RGP1: variants seen among roughly 807,000 people sequenced by gnomAD.
RGP1 encodes the protein RAB6A-GEF complex partner protein 2.
Under a neutral mutation model 44.5 loss-of-function variants are expected in RGP1, and 28 were observed. That is an observed-to-expected ratio of 0.63 (90% CI 0.47 to 0.86). The LOEUF is 0.86. RGP1 is among the 40% of genes least tolerant of loss of function. The probability of loss-of-function intolerance (pLI) is 0.00; values close to 1 mark genes in which losing one functional copy is unlikely to be tolerated. For missense variants in RGP1, 417 were observed against 490.7 expected, an observed-to-expected ratio of 0.85 and a Z score of 1.42; for synonymous variants, 212 against 196.7, an observed-to-expected ratio of 1.08 and a Z score of -0.65.
the RGP1 span, among the ~76,000 whole-genome samples, chr9:35,778,833 T>G: frequency 6.6e-6 from 1 of 152,222 alleles, no homozygotes; most frequent in Non-Finnish European, 1.5e-5. Context: ...TATGTATATG[T>G]GCTTTTTATA....
At chr9:35,789,329 CTTTT>C in the RGP1 span, among the ~76,000 whole-genome samples, 3 of 137,670 alleles carry the variant, frequency 2.2e-5, no homozygotes, top group Non-Finnish European at 3.2e-5. Flanking sequence ...CTTCCACTTC[CTTTT>C]TTTTTTTTTT....
At chr9:35,781,624 C>T in the RGP1 span, among the ~76,000 whole-genome samples, 1 of 152,062 alleles carries the variant, frequency 6.6e-6, no homozygotes, top group Non-Finnish European at 1.5e-5. Flanking sequence ...TTGACACTGG[C>T]AATACCTTTT....
At position 35,753,447 on chromosome 9, in the gene RGP1, T is replaced by C; in HGVS notation, c.*573T>C. 2 of 817,440 alleles carry C rather than the reference T, an allele frequency of 2.4e-6. No individual in the cohort carries two copies. Among genetic ancestry groups the C allele is most frequent in the South Asian group, 3.7e-5 (2 of 54,424 alleles). The allele number at this position is 817,440 out of a possible 1,614,324, so 50.6% of individuals were successfully genotyped here. On this transcript the variant is annotated 3_prime_UTR_variant, in exon 9 of 9. Coordinates refer to ENST00000378078, the MANE Select transcript of RGP1 (RefSeq NM_001080496.3). The surrounding 1 kb of genome is among the most constrained non-coding windows in gnomAD (Gnocchi z 4.2). ...ACCATATGTGGGCCTTTTTGTTTTATAACAGGAGTATTTTCTCTCCAGGTC... is the reference window on the plus strand; with the variant it reads ...ACCATATGTGGGCCTTTTTGTTTTACAACAGGAGTATTTTCTCTCCAGGTC...
At chr9:35,770,492 GGAGA>G in the RGP1 span, among the ~76,000 whole-genome samples, 5,199 of 106,698 alleles carry the variant, frequency 0.049, 129 homozygotes, top group Non-Finnish European at 0.055. Context: ...GTATTACCAT[GGAGA>G]GAGAGAGAGA....
At chr9:35,772,873 T>A in the RGP1 span, among the ~76,000 whole-genome samples, 1 of 152,046 alleles carries the variant, frequency 6.6e-6, no homozygotes, top group African/African-American at 2.4e-5. Context: ...TGGGGTTGTA[T>A]AAATGAGCTA....
the RGP1 span, among the ~76,000 whole-genome samples, chr9:35,778,898 T>G: frequency 6.6e-6 from 1 of 152,224 alleles, no homozygotes; most frequent in Non-Finnish European, 1.5e-5. Flanking sequence ...CTATCTCCAG[T>G]CTATCTCTGT....
Position 35,755,980 on chromosome 9 carries a change from T to G in RGP1, c.*3106T>G, listed in dbSNP as rs921660374. 6.6e-6 allele frequency: 1 copy of G among 152,296 alleles called. No homozygotes were observed. The highest frequency in any genetic ancestry group is 2.4e-5 in the African/African-American group (1 of 41,446). The allele number at this position is 152,296 out of a possible 1,614,324, so 9.4% of individuals were successfully genotyped here. On this transcript the variant is annotated 3_prime_UTR_variant, in exon 9 of 9. Coordinates refer to ENST00000378078, the MANE Select transcript of RGP1 (RefSeq NM_001080496.3). ...CTCTACCCTAGGACAAGATGTCCTT[T>G]TCTCATCATCCTGCCAGGCTAACTT...
chr9:35,753,170 C>A lies in RGP1; in HGVS notation c.*296C>A, dbSNP rs766344453. On this transcript the variant is annotated 3_prime_UTR_variant, in exon 9 of 9. Transcript: ENST00000378078. This position sits in a 1 kb window ranked among gnomAD's most constrained non-coding sequence, Gnocchi z 4.2. ...TGAGCCCCATTCTGGGTCAGGCCCT[C>A]CCCCTTTGCAGGGCAGCCGAGGGTC... The A allele has an allele frequency of 3.7e-6, 6 of 1,614,154 alleles. No individual in the cohort carries two copies. Among genetic ancestry groups the A allele is most frequent in the Non-Finnish European group, 5.1e-6 (6 of 1,180,026 alleles).
rs1158523698 is a variant in RGP1 at position 35,754,547 on chromosome 9, G to A, written c.*1673G>A. The A allele has an allele frequency of 6.4e-6, 1 of 157,262 alleles. No individual in the cohort carries two copies. The highest frequency in any genetic ancestry group is 6.5e-5 in the Admixed American group (1 of 15,474). The allele number at this position is 157,262 out of a possible 1,614,324, so 9.7% of individuals were successfully genotyped here. ...CCAGATCTCTTCCCTGACCTGGAGA[G>A]AAGGAAGCATTCCACCTTCCCCCTT... On this transcript the variant is annotated 3_prime_UTR_variant, in exon 9 of 9. Transcript: ENST00000378078.
chr9:35,784,709 C>A, the RGP1 span, among the ~76,000 whole-genome samples: 1 of 152,118 alleles, frequency 6.6e-6, no homozygotes, highest in South Asian at 2.1e-4. Context: ...ATCTCGTGAT[C>A]CACCCGCCTC....
chr9:35,753,839 G>C lies in RGP1; in HGVS notation c.*965G>C, dbSNP rs987300457. On this transcript the variant is annotated 3_prime_UTR_variant, in exon 9 of 9. Transcript: ENST00000378078. The surrounding 1 kb of genome is among the most constrained non-coding windows in gnomAD (Gnocchi z 4.2). Reference sequence around the variant, plus strand: ...GAGGCAGAGGCTCTTCTGGTCTGGGGTGGAGACAGTAAGTACGCACTATCC... The same window carrying C: ...GAGGCAGAGGCTCTTCTGGTCTGGGCTGGAGACAGTAAGTACGCACTATCC... 2 of 1,534,006 alleles carry C rather than the reference G, an allele frequency of 1.3e-6. No homozygotes were observed. Among genetic ancestry groups the C allele is most frequent in the Non-Finnish European group, 1.8e-6 (2 of 1,112,450 alleles).
At chr9:35,771,971 G>A in the RGP1 span, among the ~76,000 whole-genome samples, 2 of 152,120 alleles carry the variant, frequency 1.3e-5, no homozygotes, top group Non-Finnish European at 2.9e-5. Context: ...TTTGCTTTTG[G>A]GGGAGGGGAG....
At chr9:35,787,176 A>T in the RGP1 span, among the ~76,000 whole-genome samples, 4 of 151,996 alleles carry the variant, frequency 2.6e-5, no homozygotes, top group African/African-American at 9.7e-5. Flanking sequence ...AAAGATGTAT[A>T]TGAATTCAAA....
Position 35,751,388 on chromosome 9 carries a change from G to A in RGP1, c.610G>A (p.Ala204Thr), listed in dbSNP as rs1827261186. Residue 204 changes from alanine to threonine, a missense_variant, in exon 6 of 9, where the codon GCT becomes ACT. Coordinates refer to ENST00000378078, the MANE Select transcript of RGP1 (RefSeq NM_001080496.3). ...TGAGCTGGCTGGGGAACGCCTAATG[G>A]CTGCCACATCCTGCCGCAGCCTCCG... Reference protein sequence around the residue: ...LAELAGERLMAATSCRSLHLY... With the variant: ...LAELAGERLMTATSCRSLHLY... 1 of 1,613,840 alleles carries A rather than the reference G, an allele frequency of 6.2e-7. No individual in the cohort carries two copies. The highest frequency in any genetic ancestry group is 8.5e-7 in the Non-Finnish European group (1 of 1,179,886).
chr9:35,754,048 G>C lies in RGP1; in HGVS notation c.*1174G>C, dbSNP rs1232953353. 8.1e-6 allele frequency: 13 copies of C among 1,613,774 alleles called. No homozygotes were observed. The highest frequency in any genetic ancestry group is 1.0e-5 in the Non-Finnish European group (12 of 1,179,876). On this transcript the variant is annotated 3_prime_UTR_variant, in exon 9 of 9. Coordinates refer to ENST00000378078, the MANE Select transcript of RGP1 (RefSeq NM_001080496.3). ...CTGTAGACTCCTGGGTGCTGGAGGA[G>C]TAGAGACATCACCAAGCAGATGATC...
the RGP1 span, among the ~76,000 whole-genome samples, chr9:35,775,479 G>A: frequency 6.6e-6 from 1 of 152,138 alleles, no homozygotes; most frequent in African/African-American, 2.4e-5. Context: ...GGAGAGAAGG[G>A]GAAGAGATAG....
chr9:35,751,508 C>A, intron 6 of RGP1, 96 bp downstream of exon 6: 1 of 1,592,220 alleles, frequency 6.3e-7, no homozygotes, highest in Non-Finnish European at 8.6e-7. Context: ...TTCTGTGGAT[C>A]CACTGATACC....
the RGP1 span, among the ~76,000 whole-genome samples, chr9:35,785,825 T>C: frequency 6.6e-6 from 1 of 152,188 alleles, no homozygotes; most frequent in Admixed American, 6.5e-5. Flanking sequence ...TTTCGTCTTG[T>C]ATATCCAGTC....
At chr9:35,781,418 G>A in the RGP1 span, among the ~76,000 whole-genome samples, 1 of 129,956 alleles carries the variant, frequency 7.7e-6, no homozygotes, top group South Asian at 3.2e-4. Flanking sequence ...AGGGGGTGGG[G>A]GGGCAGGCAG....
Sources: allele counts gnomAD v4.1 joint callset (sites outside exome capture counted in the v4.1 genomes callset), GRCh38; gene constraint gnomAD v4.1.1; non-coding constraint Gnocchi (gnomAD v3.1); transcripts MANE v1.5; gene names NCBI Gene and HGNC (gene_info 2026-07-23, HGNC 2026-07-21).